PDE1C: variants seen among roughly 807,000 people sequenced by gnomAD.
The protein encoded by PDE1C is dual specificity calcium/calmodulin-dependent 3',5'-cyclic nucleotide phosphodiesterase 1C.
In PDE1C, 62 loss-of-function variants were observed where a neutral mutation model predicts 93.1. The observed-to-expected ratio is 0.67, with a 90% confidence interval of 0.54 to 0.82. PDE1C has a LOEUF of 0.82. Ranked by LOEUF, PDE1C falls within the 40% of genes least tolerant of loss-of-function variation. The pLI, the probability that PDE1C is intolerant of heterozygous loss-of-function variation, is 0.00. For missense variants in PDE1C, 742 were observed against 884.6 expected, an observed-to-expected ratio of 0.84 and a Z score of 2.04; for synonymous variants, 325 against 310.1, an observed-to-expected ratio of 1.05 and a Z score of -0.50.
At chr7:32,268,028 G>A (rs888414551) in intron 1 of PDE1C, among the ~76,000 whole-genome samples, 8 of 152,304 alleles carry the variant, frequency 5.3e-5, no homozygotes, top group Non-Finnish European at 1.2e-4. Flanking sequence ...AACAGGATCA[G>A]CCACTAGGTG....
chr7:31,636,152 C>T, the PDE1C span, among the ~76,000 whole-genome samples: 7 of 152,042 alleles, frequency 4.6e-5, no homozygotes, highest in Non-Finnish European at 7.4e-5. Flanking sequence ...GGTGGCAAAC[C>T]GCCCCCATAA....
At chr7:31,679,699 A>G in the PDE1C span, among the ~76,000 whole-genome samples, 652 of 152,332 alleles carry the variant, frequency 4.3e-3, 4 homozygotes, top group African/African-American at 0.015. Flanking sequence ...TGTGTTCAGA[A>G]GCCCCCATAA....
intron 2 of PDE1C, among the ~76,000 whole-genome samples, chr7:31,922,294 T>A (rs768600041): frequency 5.9e-5 from 9 of 152,336 alleles, no homozygotes; most frequent in Non-Finnish European, 2.9e-5. Flanking sequence ...TGTTAAAATA[T>A]AAAATCTCAT....
At chr7:31,964,735 G>T (rs1305468724) in intron 2 of PDE1C, among the ~76,000 whole-genome samples, 1 of 152,114 alleles carries the variant, frequency 6.6e-6, no homozygotes, top group Admixed American at 6.5e-5. Context: ...ACCTCAAACG[G>T]CCAGGTACTC....
At chr7:32,387,756 G>T (rs543071820) in intron 1 of PDE1C, among the ~76,000 whole-genome samples, 31 of 143,148 alleles carry the variant, frequency 2.2e-4, no homozygotes, top group African/African-American at 7.6e-4. Flanking sequence ...AGGGGCGGCC[G>T]GGCAGAGGCG....
intron 1 of PDE1C, among the ~76,000 whole-genome samples, chr7:32,316,878 A>G (rs10227576): frequency 0.058 from 8,796 of 152,270 alleles, 882 homozygotes; most frequent in African/African-American, 0.2. Context: ...CACATTTTTA[A>G]CACACTGCCT....
At chr7:32,067,193 C>T (rs30594) in intron 1 of PDE1C, among the ~76,000 whole-genome samples, 79,138 of 152,058 alleles carry the variant, frequency 0.52, 21,059 homozygotes, top group Middle Eastern at 0.61. Context: ...GATGATGCTA[C>T]AATGCTAAGA....
At chr7:32,152,318 G>C (rs553022586) in intron 3 of PDE1C, among the ~76,000 whole-genome samples, 5 of 152,304 alleles carry the variant, frequency 3.3e-5, no homozygotes, top group Non-Finnish European at 7.3e-5. Context: ...CATAAAAGAG[G>C]GAAGCTATGG....
At chr7:31,622,813 C>A in the PDE1C span, among the ~76,000 whole-genome samples, 1 of 152,046 alleles carries the variant, frequency 6.6e-6, no homozygotes, top group South Asian at 2.1e-4. Flanking sequence ...ATTAATGAAT[C>A]CAGGAGCTGG....
chr7:31,715,033 C>G, the PDE1C span, among the ~76,000 whole-genome samples: 1 of 152,138 alleles, frequency 6.6e-6, no homozygotes. Flanking sequence ...TCTCACCCAA[C>G]TGGTTATGTA....
At chr7:31,748,838 C>G (rs147234880), downstream of PDE1C, among the ~76,000 whole-genome samples, 4 of 152,302 alleles carry the variant, frequency 2.6e-5, no homozygotes, top group South Asian at 4.1e-4. Context: ...TTGACAAACT[C>G]TCAATAAATC....
At chr7:32,373,926 G>T (rs1243465413) in intron 1 of PDE1C, among the ~76,000 whole-genome samples, 2 of 152,092 alleles carry the variant, frequency 1.3e-5, no homozygotes, top group Non-Finnish European at 2.9e-5. Flanking sequence ...GGCAGAGGTT[G>T]CAGTGAGCCA....
At chr7:31,736,440 G>A in the PDE1C span, among the ~76,000 whole-genome samples, 2 of 152,210 alleles carry the variant, frequency 1.3e-5, no homozygotes, top group Non-Finnish European at 2.9e-5. Context: ...ACCTAAGGCA[G>A]TGCCTGGAGA....
intron 2 of PDE1C, among the ~76,000 whole-genome samples, chr7:32,186,927 A>G (rs1803924319): frequency 1.3e-5 from 2 of 152,302 alleles, no homozygotes; most frequent in South Asian, 2.1e-4. Context: ...TCATCGATAG[A>G]AAATTACTCA....
chr7:32,263,255 C>T (rs921492542), intron 1 of PDE1C, among the ~76,000 whole-genome samples: 1 of 152,168 alleles, frequency 6.6e-6, no homozygotes, highest in African/African-American at 2.4e-5. Context: ...TATCCATATA[C>T]ACTTTACGCA....
Position 32,117,866 on chromosome 7 carries a change from G to A in PDE1C, c.308+51919C>T, listed in dbSNP as rs982601803. On this transcript the variant is annotated intron_variant, in intron 3 of 18. Coordinates refer to the PDE1C transcript ENST00000396193. ...AAAGGTTGGGGGAAGGGGTGTTGTT[G>A]TGAACTCATCAGCCAAAAGAATTCA... 1.1e-4 allele frequency among the ~76,000 whole-genome samples: 16 copies of A among 152,348 alleles called. 5 individuals are homozygous for A. The highest frequency in any genetic ancestry group is 6.5e-5 in the Admixed American group (1 of 15,302).
chr7:32,308,273 C>T, intron 1 of PDE1C, among the ~76,000 whole-genome samples: 1 of 147,890 alleles, frequency 6.8e-6, no homozygotes, highest in African/African-American at 2.5e-5. Flanking sequence ...CTCAAGGAGG[C>T]CTGCCTGCCT....
intron 2 of PDE1C, among the ~76,000 whole-genome samples, chr7:31,930,955 C>A (rs1441093282): frequency 6.6e-6 from 1 of 150,916 alleles, no homozygotes; most frequent in Non-Finnish European, 1.5e-5. Flanking sequence ...TAAACGTAAT[C>A]CATCACATAA....
rs976439806 is a variant in PDE1C at position 32,267,598 on chromosome 7, T to A, written c.85+31053A>T. ...CACACACACACACACTCTCTCTCTC[T>A]CTCTCTCTCTCTCTCTCTCTCTCTC... is the stretch of plus-strand genomic sequence containing the variant. On this transcript the variant is annotated intron_variant, in intron 1 of 18. Coordinates refer to the PDE1C transcript ENST00000396193. Among the ~76,000 whole-genome samples the A allele has an allele frequency of 4.8e-4, 67 of 140,750 alleles. No homozygotes were observed. The South Asian group carries it at 6.0e-3, about 13-fold the overall frequency. 92.3% of individuals were successfully genotyped at this position (140,750 alleles called of 152,430 possible).
Sources: allele counts gnomAD v4.1 joint callset (sites outside exome capture counted in the v4.1 genomes callset), GRCh38; gene constraint gnomAD v4.1.1; transcripts MANE v1.5; gene names NCBI Gene and HGNC (gene_info 2026-07-23, HGNC 2026-07-21).